The following TRPM8 variants were observed in gnomAD, a reference collection of about 807,000 sequenced individuals.
TRPM8 encodes transient receptor potential cation channel subfamily M member 8, also known as TRPM8 cationic channel.
A neutral mutation model predicts 133.7 loss-of-function variants in TRPM8; 110 were observed. The ratio of observed to expected loss-of-function variants is 0.82; its 90% CI spans 0.70 to 0.96. TRPM8 has a LOEUF of 0.96. Ranked by LOEUF, TRPM8 falls within the 40% of genes least tolerant of loss-of-function variation. TRPM8 has a pLI of 0.00. For missense variants in TRPM8, 1,291 were observed against 1,379.5 expected (o/e 0.94, Z 1.02); for synonymous variants, 535 against 532.3 (o/e 1.01, Z -0.07).
chr2:233,951,969 C>T (rs893204395), intron 9 of TRPM8, among the ~76,000 whole-genome samples: 1 of 152,134 alleles, frequency 6.6e-6, no homozygotes, highest in African/African-American at 2.4e-5. Context: ...CCACTCTAAG[C>T]GATGCATTAT....
intron 15 of TRPM8, 97 bp downstream of exon 15, chr2:233,966,852 T>G (rs924724853): frequency 8.7e-6 from 12 of 1,381,192 alleles, no homozygotes; most frequent in African/African-American, 1.5e-5. Context: ...ACAAACCTTA[T>G]TCTCCAATAT....
chr2:233,978,602 T>A (rs544530500), intron 17 of TRPM8, among the ~76,000 whole-genome samples: 1 of 152,346 alleles, frequency 6.6e-6, no homozygotes, highest in South Asian at 2.1e-4. Context: ...TCAAGACAAA[T>A]GACATCACTC....
intron 16 of TRPM8, 113 bp from the exon 17 acceptor site, chr2:233,970,097 C>T (rs933283813): frequency 2.7e-5 from 28 of 1,018,562 alleles, no homozygotes; most frequent in Middle Eastern, 2.3e-4. Flanking sequence ...GTTTTGCTCC[C>T]GTCTCTTCCT....
chr2:233,961,100 C>T (rs201170527), intron 12 of TRPM8, 34 bp downstream of exon 12: 34 of 1,597,470 alleles, frequency 2.1e-5, no homozygotes, highest in African/African-American at 9.4e-5. Context: ...CTTGAGTTCT[C>T]GGATATTTTG....
At chr2:233,981,293 A>T (rs748375518) in intron 18 of TRPM8, among the ~76,000 whole-genome samples, 1 of 152,194 alleles carries the variant, frequency 6.6e-6, no homozygotes. Context: ...AGATCACTCC[A>T]GTTAGAAAGC....
chr2:234,008,890 G>T (rs949784260), intron 24 of TRPM8, among the ~76,000 whole-genome samples: 10 of 152,180 alleles, frequency 6.6e-5, no homozygotes, highest in Admixed American at 6.5e-4. Flanking sequence ...ACAGTTTCTT[G>T]TTTATTTATT....
chr2:233,936,853 C>T lies in TRPM8; in HGVS notation c.192-500C>T, dbSNP rs142494855. ...TTGTTCATGAAGGGACAATAAACACCAGGGATAAAACATCAAACTAGTTTC... is the reference window on the plus strand; with the variant it reads ...TTGTTCATGAAGGGACAATAAACACTAGGGATAAAACATCAAACTAGTTTC... On this transcript the variant is annotated intron_variant, in intron 3 of 25. Coordinates refer to ENST00000324695, the MANE Select transcript of TRPM8 (RefSeq NM_024080.5). 3.3e-3 allele frequency among the ~76,000 whole-genome samples: 502 copies of T among 151,848 alleles called. 6 individuals carry two copies. Among genetic ancestry groups the T allele is most frequent in the African/African-American group, 0.012 (480 of 41,374 alleles).
At chr2:234,006,731 C>A in intron 22 of TRPM8, 122 bp from the exon 23 acceptor site, 1 of 659,184 alleles carries the variant, frequency 1.5e-6, no homozygotes, top group Non-Finnish European at 2.6e-6. Context: ...GTCAAACCAG[C>A]CTGTGCAGGA....
rs182972476 is a variant in TRPM8, at chr2:233,963,785, T to C, written c.1749+408T>C. Among the ~76,000 whole-genome samples, 9 of 152,328 alleles carry C rather than the reference T, an allele frequency of 5.9e-5. No homozygotes were observed. In the East Asian group the frequency reaches 1.7e-3, roughly 29 times the overall value. Reference sequence around the variant, plus strand: ...AGCATGTAAGGACTTTTGTAAATGGTTTATGGACACTCACATTACTTTATT... The same window carrying C: ...AGCATGTAAGGACTTTTGTAAATGGCTTATGGACACTCACATTACTTTATT... On this transcript the variant is annotated intron_variant, in intron 13 of 25. Coordinates refer to ENST00000324695, the MANE Select transcript of TRPM8 (RefSeq NM_024080.5).
At chr2:233,924,563 C>T (rs1271013438) in intron 1 of TRPM8, among the ~76,000 whole-genome samples, 1 of 152,080 alleles carries the variant, frequency 6.6e-6, no homozygotes, top group African/African-American at 2.4e-5. Context: ...ATGCCAAGAC[C>T]CAGTCAACCA....
rs530171198 is a variant in TRPM8, at chr2:233,983,633, C to T, written c.2761+409C>T. Among the ~76,000 whole-genome samples, 8 of 152,256 alleles carry T rather than the reference C, an allele frequency of 5.3e-5. No individual in the cohort carries two copies. In the South Asian group the frequency reaches 1.7e-3, roughly 32 times the overall value. On this transcript the variant is annotated intron_variant, in intron 20 of 25. Coordinates refer to ENST00000324695, the MANE Select transcript of TRPM8 (RefSeq NM_024080.5). The stretch of plus-strand genomic sequence containing the variant: ...TGGAACCTGGAATTTAGACTTCTGG[C>T]GTGCGTTAGCCCACTGCCAACTGGT...
chr2:233,932,365 C>T (rs182030397), intron 3 of TRPM8, among the ~76,000 whole-genome samples: 1 of 152,304 alleles, frequency 6.6e-6, no homozygotes, highest in African/African-American at 2.4e-5. Flanking sequence ...GCAATTCCAT[C>T]AAAAGTCCTG....
chr2:233,920,066 G>C (rs1017959702), intron 1 of TRPM8, among the ~76,000 whole-genome samples: 2 of 152,136 alleles, frequency 1.3e-5, no homozygotes, highest in African/African-American at 2.4e-5. Flanking sequence ...AGAATCTGGG[G>C]CTCACTGCAG....
At chr2:233,967,523 A>G (rs1691606121) in intron 15 of TRPM8, among the ~76,000 whole-genome samples, 1 of 152,186 alleles carries the variant, frequency 6.6e-6, no homozygotes, top group Non-Finnish European at 1.5e-5. Flanking sequence ...GAGCTCAGAG[A>G]GGTTCTGGAA....
intron 12 of TRPM8, 44 bp from the exon 13 acceptor site, chr2:233,963,238 C>A: frequency 7.2e-7 from 1 of 1,384,382 alleles, no homozygotes; most frequent in Non-Finnish European, 1.0e-6. Context: ...GATCCCAGAA[C>A]AGTTTCCATT....
intron 19 of TRPM8, 109 bp from the exon 20 acceptor site, chr2:233,982,944 G>A (rs1692046065): frequency 8.1e-7 from 1 of 1,232,984 alleles, no homozygotes; most frequent in Non-Finnish European, 1.1e-6. Context: ...GATGCTCTGA[G>A]CCCTGGAACC....
In TRPM8 at chr2:233,960,760, T is replaced by A. The variant is rs201346446; in HGVS notation, c.1363-16T>A. 3 of 1,610,846 alleles carry A rather than the reference T, an allele frequency of 1.9e-6. No homozygotes were observed. Among genetic ancestry groups the A allele is most frequent in the Non-Finnish European group, 2.5e-6 (3 of 1,177,686 alleles). ...TTTATAGTATTGTTAGTACTGTCTC[T>A]GTTCTTTCTCCTTAGTCTGCTGACC... On this transcript the variant is annotated splice_polypyrimidine_tract_variant and intron_variant, in intron 11 of 25. Coordinates refer to ENST00000324695, the MANE Select transcript of TRPM8 (RefSeq NM_024080.5).
At chr2:234,000,707 C>T (rs1324013924) in intron 22 of TRPM8, among the ~76,000 whole-genome samples, 3 of 149,692 alleles carry the variant, frequency 2.0e-5, no homozygotes, top group Non-Finnish European at 4.4e-5. Flanking sequence ...GAAATGGTGT[C>T]TCGCTCTGTC....
At chr2:233,997,509 C>G (rs1271628535) in intron 22 of TRPM8, among the ~76,000 whole-genome samples, 1 of 152,144 alleles carries the variant, frequency 6.6e-6, no homozygotes, top group Non-Finnish European at 1.5e-5. Flanking sequence ...AAAGCCTTTT[C>G]TTAGTGATGC....
Sources: gnomAD v4.1 joint callset for allele counts (sites outside exome capture counted in the v4.1 genomes callset) on GRCh38, gnomAD v4.1.1 for gene constraint, MANE v1.5 for transcripts, NCBI Gene and HGNC (gene_info 2026-07-23, HGNC 2026-07-21) for gene names.